KCNQ1: variants seen among roughly 807,000 people sequenced by gnomAD.
KCNQ1 encodes the protein potassium voltage-gated channel subfamily Q member 1.
Under a neutral mutation model 72.4 loss-of-function variants are expected in KCNQ1, and 49 were observed. The observed-to-expected ratio is 0.68, with a 90% CI of 0.54 to 0.86. The LOEUF (loss-of-function observed/expected upper bound fraction) is 0.86. KCNQ1 is among the 40% of genes least tolerant of loss of function. The pLI is 0.00. For missense variants in KCNQ1, 790 were observed against 945.1 expected (o/e 0.84, Z 2.15); for synonymous variants, 450 against 412.6 (o/e 1.09, Z -1.10).
At chr11:2,771,211 C>T (rs1846593532) in intron 12 of KCNQ1, 1 of 152,346 alleles carries the variant, frequency 6.6e-6, no homozygotes, top group Non-Finnish European at 1.5e-5. Flanking sequence ...CCTGATGGCT[C>T]CTGGGCAGGC....
chr11:2,681,392 G>T (rs1322758120), intron 11 of KCNQ1: 1 of 398,468 alleles, frequency 2.5e-6, no homozygotes, highest in Admixed American at 4.4e-5. Context: ...TGGGGCTGGG[G>T]TGACTAAAGG....
chr11:2,476,385 A>C (rs1261128476), intron 1 of KCNQ1, among the ~76,000 whole-genome samples: 1 of 152,244 alleles, frequency 6.6e-6, no homozygotes, highest in African/African-American at 2.4e-5. Flanking sequence ...AGATCTGAAC[A>C]TTAAAGGGGC....
At chr11:2,585,031 A>G (rs1848572111) in intron 7 of KCNQ1, among the ~76,000 whole-genome samples, 181 bp from the exon 8 acceptor site, 2 of 152,142 alleles carry the variant, frequency 1.3e-5, no homozygotes, top group Admixed American at 1.3e-4. Context: ...CCTGGGGTAT[A>G]AGTTCTGCCC....
chr11:2,762,721 A>G lies in KCNQ1; in HGVS notation c.1515-6123A>G, dbSNP rs1169190698. 6.6e-6 allele frequency among the ~76,000 whole-genome samples: 1 copy of G among 152,188 alleles called. No individual in the cohort carries two copies. Among genetic ancestry groups the G allele is most frequent in the African/African-American group, 2.4e-5 (1 of 41,444 alleles). ...GAACCCTGTTGTGAATGCACATGTG[A>G]GGGGTCTAGGCTGTGTACTCCTTAT... On this transcript the variant is annotated intron_variant, in intron 11 of 15. Transcript: ENST00000155840. The surrounding 1 kb of genome is among the most constrained non-coding windows in gnomAD (Gnocchi z 4.3).
Position 2,608,577 on chromosome 11 carries a change from G to C in KCNQ1, c.1393+19723G>C, listed in dbSNP as rs1413557123. 2.5e-6 allele frequency: 1 copy of C among 398,442 alleles called. No homozygotes were observed. The highest frequency in any genetic ancestry group is 4.4e-6 in the Non-Finnish European group (1 of 226,068). 24.7% of individuals were successfully genotyped at this position (398,442 alleles called of 1,614,324 possible). A position where few individuals can be genotyped will look rare whatever the true frequency, so the allele number is the denominator to read the frequency against. ...TGTAACCTCGATCTCCTAGTCTCAA[G>C]TGATCCTTGCCCCTTAGCCTATGAC... On this transcript the variant is annotated intron_variant, in intron 10 of 15. Transcript: ENST00000155840. The surrounding 1 kb of genome is among the most constrained non-coding windows in gnomAD (Gnocchi z 4.6).
Position 2,608,234 on chromosome 11 carries a change from G to C in KCNQ1, c.1393+19380G>C. On this transcript the variant is annotated intron_variant, in intron 10 of 15. Transcript: ENST00000155840. The surrounding 1 kb of genome is among the most constrained non-coding windows in gnomAD (Gnocchi z 4.6). ...GATATTTGTTAGATTCACTCATCTG[G>C]CCCTCTTGGGCTTTTCTTTTCAACT... 2.5e-6 allele frequency: 1 copy of C among 395,698 alleles called. No homozygotes were observed. The highest frequency in any genetic ancestry group is 2.1e-5 in the African/African-American group (1 of 48,664). 24.5% of individuals were successfully genotyped at this position (395,698 alleles called of 1,614,324 possible). A position where few individuals can be genotyped will look rare whatever the true frequency, so the allele number is the denominator to read the frequency against.
chr11:2,805,435 T>C (rs144593442), intron 15 of KCNQ1, among the ~76,000 whole-genome samples: 1 of 152,206 alleles, frequency 6.6e-6, no homozygotes, highest in Admixed American at 6.5e-5. Context: ...GGCAAAGAAC[T>C]AGAAAGACAA....
At chr11:2,753,895 T>A (rs989072301) in intron 11 of KCNQ1, among the ~76,000 whole-genome samples, 1 of 152,216 alleles carries the variant, frequency 6.6e-6, no homozygotes, top group Non-Finnish European at 1.5e-5. Context: ...TTTTTTGTTG[T>A]TGTTGTTTTT....
At chr11:2,843,170 C>T (rs952617432) in intron 15 of KCNQ1, among the ~76,000 whole-genome samples, 5 of 152,210 alleles carry the variant, frequency 3.3e-5, no homozygotes, top group African/African-American at 1.2e-4. Context: ...GAAACACGGT[C>T]GACTTTTGTC....
At chr11:2,656,602 T>C in intron 10 of KCNQ1, 1 of 398,680 alleles carries the variant, frequency 2.5e-6, no homozygotes, top group Non-Finnish European at 4.4e-6. Context: ...CTACTTTGTC[T>C]ATTGCCCATT....
rs1846045155 is a variant in KCNQ1 at position 2,446,744 on chromosome 11, C to G, written c.386+1260C>G. Among the ~76,000 whole-genome samples the G allele has an allele frequency of 6.6e-6, 1 of 152,176 alleles. No homozygotes were observed. Among genetic ancestry groups the G allele is most frequent in the African/African-American group, 2.4e-5 (1 of 41,440 alleles). On this transcript the variant is annotated intron_variant, in intron 1 of 15. Transcript: ENST00000155840. This position sits in a 1 kb window ranked among gnomAD's most constrained non-coding sequence, Gnocchi z 8.8. ...GGGGGGTGATCTTGGAGACTTTTCC[C>G]CACCCCAGCTCCCAAGCCCCTGTCT...
chr11:2,560,818 G>A (rs1326973646), intron 2 of KCNQ1, among the ~76,000 whole-genome samples: 2 of 152,086 alleles, frequency 1.3e-5, no homozygotes, highest in Admixed American at 6.6e-5. Context: ...CGCTCTGGGT[G>A]GGATGAGGAC....
At chr11:2,773,393 A>G (rs1444610857) in intron 12 of KCNQ1, among the ~76,000 whole-genome samples, 7 of 152,036 alleles carry the variant, frequency 4.6e-5, no homozygotes, top group Admixed American at 6.6e-5. Flanking sequence ...TCAGCGTCCA[A>G]TCTTACAGAA....
At position 2,671,455 on chromosome 11, in the gene KCNQ1, C is replaced by G; in HGVS notation, c.1514+9374C>G. ...CCCACTTTAGCAGGCAGAAGAGCAA[C>G]CCAGCAGGGGATATACACAAAGATC... On this transcript the variant is annotated intron_variant, in intron 11 of 15. Coordinates refer to ENST00000155840, the MANE Select transcript of KCNQ1 (RefSeq NM_000218.3). The surrounding 1 kb of genome is among the most constrained non-coding windows in gnomAD (Gnocchi z 4.7). 1 of 398,596 alleles carries G rather than the reference C, an allele frequency of 2.5e-6. No homozygotes were observed. The allele number at this position is 398,596 out of a possible 1,614,324, so 24.7% of individuals were successfully genotyped here.
intron 1 of KCNQ1, among the ~76,000 whole-genome samples, chr11:2,461,130 G>A (rs1473857777): frequency 6.6e-6 from 1 of 152,120 alleles, no homozygotes; most frequent in African/African-American, 2.4e-5. Flanking sequence ...TTGCCTCTCT[G>A]AGTTTGTCCT....
At chr11:2,707,328 G>C (rs976937310) in intron 11 of KCNQ1, among the ~76,000 whole-genome samples, 4 of 152,254 alleles carry the variant, frequency 2.6e-5, no homozygotes, top group Non-Finnish European at 5.9e-5. Context: ...ACATTGCAGT[G>C]TTGAGAAATT....
At chr11:2,802,332 G>A (rs1296203044) in intron 15 of KCNQ1, among the ~76,000 whole-genome samples, 2 of 152,222 alleles carry the variant, frequency 1.3e-5, no homozygotes, top group Non-Finnish European at 2.9e-5. Context: ...CAGCACTGGG[G>A]CCACCAGCAC....
intron 1 of KCNQ1, among the ~76,000 whole-genome samples, chr11:2,455,694 A>G (rs947180320): frequency 2.3e-4 from 35 of 152,258 alleles, no homozygotes; most frequent in Admixed American, 2.3e-3. Context: ...GCCACTTTTC[A>G]TAGAATTAGA....
At chr11:2,558,090 G>T (rs536769017) in intron 2 of KCNQ1, among the ~76,000 whole-genome samples, 12 of 152,356 alleles carry the variant, frequency 7.9e-5, no homozygotes, top group African/African-American at 2.6e-4. Flanking sequence ...TAGCCAGAAA[G>T]AAGAGATTGA....
Sources: allele counts gnomAD v4.1 joint callset (sites outside exome capture counted in the v4.1 genomes callset), GRCh38; gene constraint gnomAD v4.1.1; non-coding constraint Gnocchi (gnomAD v3.1); transcripts MANE v1.5; gene names NCBI Gene and HGNC (gene_info 2026-07-23, HGNC 2026-07-21).